Variants in DCAF6 observed in about 807,000 individuals in gnomAD.
DCAF6 encodes DDB1 and CUL4 associated factor 6.
In DCAF6, 54 loss-of-function variants were observed where a neutral mutation model predicts 125.1. The ratio of observed to expected loss-of-function variants is 0.43; its 90% CI spans 0.35 to 0.54. The LOEUF (loss-of-function observed/expected upper bound fraction) is 0.54. DCAF6 is among the 20% of genes least tolerant of loss of function. The pLI is 0.01. For synonymous variants in DCAF6, 371 were observed against 390.4 expected, an observed-to-expected ratio of 0.95 and a Z score of 0.58; for missense variants, 934 against 1,161.7, an observed-to-expected ratio of 0.80 and a Z score of 2.85.
Position 167,974,819 on chromosome 1 carries a change from G to A in DCAF6, c.253-11G>A, listed in dbSNP as rs747030498. ...TAAGTTACCATTAACTGCTTTCTTT[G>A]TGTGTTTTAGGTTTTGACAACAATT... On this transcript the variant is annotated splice_polypyrimidine_tract_variant and intron_variant, in intron 3 of 21. Coordinates refer to ENST00000367840, the MANE Select transcript of DCAF6 (RefSeq NM_001198956.2). 34 of 1,486,402 alleles carry A rather than the reference G, an allele frequency of 2.3e-5. 1 individual carries two copies. The South Asian group carries it at 2.7e-4, about 12-fold the overall frequency. The allele number at this position is 1,486,402 out of a possible 1,614,324, so 92.1% of individuals were successfully genotyped here.
At chr1:168,050,690 A>G (rs1689799281) in intron 16 of DCAF6, among the ~76,000 whole-genome samples, 1 of 152,152 alleles carries the variant, frequency 6.6e-6, no homozygotes, top group Non-Finnish European at 1.5e-5. Flanking sequence ...AGCTTCAATG[A>G]GTGTTTCTGT....
At chr1:167,905,695 A>G in the DCAF6 span, among the ~76,000 whole-genome samples, 4 of 152,160 alleles carry the variant, frequency 2.6e-5, no homozygotes, top group Non-Finnish European at 5.9e-5. Context: ...GATTAAGACT[A>G]TAAAGGTATA....
At chr1:167,948,533 G>A (rs868422641) in intron 1 of DCAF6, among the ~76,000 whole-genome samples, 1 of 152,136 alleles carries the variant, frequency 6.6e-6, no homozygotes, top group Non-Finnish European at 1.5e-5. Flanking sequence ...AAGGAGATAG[G>A]TATGTGAATA....
intron 13 of DCAF6, among the ~76,000 whole-genome samples, chr1:168,041,987 ACTGATGCATAGCCTTCCTGACATTTTTCT>A (rs1455935921): frequency 4.0e-5 from 6 of 151,600 alleles, no homozygotes; most frequent in Non-Finnish European, 7.4e-5. Flanking sequence ...GACACTCAAC[ACTGATGCATAGCCTTCCTGACATTTTTCT>A]CTGCATATAT....
At chr1:168,066,347 T>C (rs1320384734) in intron 19 of DCAF6, 30 bp from the exon 20 acceptor site, 1 of 1,439,950 alleles carries the variant, frequency 6.9e-7, no homozygotes, top group Non-Finnish European at 9.6e-7. Context: ...GTTTCTAGGC[T>C]TCATATTAAT....
intron 3 of DCAF6, among the ~76,000 whole-genome samples, chr1:167,971,777 T>G (rs1444597605): frequency 1.2e-4 from 18 of 152,182 alleles, no homozygotes; most frequent in Non-Finnish European, 1.5e-5. Flanking sequence ...TAGGGTGTTT[T>G]CAGAATAACT....
chr1:167,979,376 TCTTC>T (rs1321750454), intron 4 of DCAF6, among the ~76,000 whole-genome samples: 1 of 152,202 alleles, frequency 6.6e-6, no homozygotes, highest in Non-Finnish European at 1.5e-5. Context: ...AGCTCTCCTT[TCTTC>T]CTTATCCTAG....
chr1:167,963,239 G>A (rs1322632620), intron 2 of DCAF6, among the ~76,000 whole-genome samples: 1 of 151,802 alleles, frequency 6.6e-6, no homozygotes, highest in Non-Finnish European at 1.5e-5. Flanking sequence ...ACTTCAGCCT[G>A]GGCAAAAGCG....
At chr1:167,875,960 A>G in the DCAF6 span, among the ~76,000 whole-genome samples, 1 of 151,734 alleles carries the variant, frequency 6.6e-6, no homozygotes, top group African/African-American at 2.4e-5. Flanking sequence ...CTCAAAAAGA[A>G]AAAAAAGGAC....
At chr1:168,035,547 G>A (rs955653167) in intron 12 of DCAF6, among the ~76,000 whole-genome samples, 36 of 152,136 alleles carry the variant, frequency 2.4e-4, no homozygotes, top group Admixed American at 2.2e-3. Context: ...TGTAGGCTAC[G>A]AGGAAATAAC....
At chr1:168,034,212 A>G (rs535483945) in intron 12 of DCAF6, among the ~76,000 whole-genome samples, 1 of 152,302 alleles carries the variant, frequency 6.6e-6, no homozygotes, top group East Asian at 1.9e-4. Flanking sequence ...TTAAGTAGGA[A>G]CTTCATATAA....
At position 168,023,014 on chromosome 1, in the gene DCAF6, C is replaced by T. The variant is rs1402359516; in HGVS notation, c.1576C>T (p.Gln526Ter). Residue 526 changes from glutamine to a stop codon, truncating the protein, a stop_gained, in exon 12 of 22, where the codon CAG becomes TAG. Coordinates refer to ENST00000367840, the MANE Select transcript of DCAF6 (RefSeq NM_001198956.2). LOFTEE classifies it high-confidence loss of function. Reference protein sequence around the residue: ...SDSPSSVVNKQLGSMSLDEQQ... With the variant: ...SDSPSSVVNK Reference sequence around the variant, plus strand: ...TTCTCCTTCTTCTGTGGTTAACAAACAGCTCGGATCCATGTCACTTGACGA... The same window carrying T: ...TTCTCCTTCTTCTGTGGTTAACAAATAGCTCGGATCCATGTCACTTGACGA... 3.1e-6 allele frequency: 5 copies of T among 1,614,084 alleles called. No homozygotes were observed. The highest frequency in any genetic ancestry group is 4.2e-6 in the Non-Finnish European group (5 of 1,180,046).
chr1:168,060,360 T>C (rs867509856), intron 17 of DCAF6, among the ~76,000 whole-genome samples: 1 of 152,070 alleles, frequency 6.6e-6, no homozygotes, highest in African/African-American at 2.4e-5. Flanking sequence ...ATTTTTTTCA[T>C]CTTTTTTTAG....
the DCAF6 span, among the ~76,000 whole-genome samples, chr1:167,883,982 T>C: frequency 6.6e-6 from 1 of 152,228 alleles, no homozygotes; most frequent in East Asian, 1.9e-4. Context: ...TGTAGGTCTA[T>C]AGTAGATGTA....
chr1:167,945,404 T>C (rs950901279), intron 1 of DCAF6, among the ~76,000 whole-genome samples: 55 of 152,192 alleles, frequency 3.6e-4, no homozygotes, highest in African/African-American at 1.3e-3. Context: ...TTAGCTGTGT[T>C]TTGTAGTTCT....
chr1:167,987,861 A>G (rs73026148), intron 5 of DCAF6, among the ~76,000 whole-genome samples: 16,510 of 152,042 alleles, frequency 0.11, 1,013 homozygotes, highest in African/African-American at 0.16. Flanking sequence ...TTTAAAATAT[A>G]TTTATGAAAA....
chr1:167,886,634 T>C, the DCAF6 span, among the ~76,000 whole-genome samples: 1 of 152,180 alleles, frequency 6.6e-6, no homozygotes, highest in Non-Finnish European at 1.5e-5. Context: ...TACATAGGCA[T>C]GGGCAAGGAC....
At chr1:167,902,252 A>G in the DCAF6 span, among the ~76,000 whole-genome samples, 1,649 of 152,284 alleles carry the variant, frequency 0.011, 30 homozygotes, top group African/African-American at 0.03. Context: ...AGTACGTGGA[A>G]CCAGTTTACA....
intron 1 of DCAF6, among the ~76,000 whole-genome samples, chr1:167,948,324 G>A (rs985038999): frequency 2.8e-5 from 4 of 143,400 alleles, no homozygotes; most frequent in Non-Finnish European, 5.9e-5. Context: ...GCAGTCATCT[G>A]TCCTGTGCCA....
Sources: allele counts gnomAD v4.1 joint callset (sites outside exome capture counted in the v4.1 genomes callset), GRCh38; gene constraint gnomAD v4.1.1; transcripts MANE v1.5; gene names NCBI Gene and HGNC (gene_info 2026-07-23, HGNC 2026-07-21).